The following RBBP7 variants were observed in gnomAD, a reference collection of about 807,000 sequenced individuals.
RBBP7 encodes histone-binding protein RBBP7.
Under a neutral mutation model 35.2 loss-of-function variants are expected in RBBP7, and 5 were observed. The ratio of observed to expected loss-of-function variants is 0.14; its 90% CI spans 0.07 to 0.30. RBBP7 has a LOEUF of 0.30. Among genes scored for constraint, RBBP7 ranks in the 10% least tolerant of loss-of-function variants. RBBP7 has a pLI of 1.00. For missense variants in RBBP7, 155 were observed against 327.5 expected, an observed-to-expected ratio of 0.47 and a Z score of 4.07; for synonymous variants, 140 against 118.7, an observed-to-expected ratio of 1.18 and a Z score of -1.17.
At chrX:16,869,659 C>A in intron 1 of RBBP7, 1 of 1,103,597 alleles carries the variant, frequency 9.1e-7, no homozygotes, top group Middle Eastern at 2.8e-4. Flanking sequence ...AGGACCCCAG[C>A]AACCCCCGGA....
At chrX:16,855,995 CA>C (rs754398259) in intron 5 of RBBP7, among the ~76,000 whole-genome samples, 335 of 15,936 alleles carry the variant, frequency 0.021, no homozygotes, top group Non-Finnish European at 0.025. Flanking sequence ...GACCTTGTCT[CA>C]AAAAAAAAAA....
At chrX:16,863,155 A>T in intron 2 of RBBP7, 55 bp from the exon 3 acceptor site, 1 of 1,110,208 alleles carries the variant, frequency 9.0e-7, no homozygotes, top group South Asian at 2.0e-5. Flanking sequence ...TCCAATTGCT[A>T]ACAAATTCAG....
intron 2 of RBBP7, among the ~76,000 whole-genome samples, chrX:16,864,420 G>A (rs763794699): frequency 1.9e-5 from 2 of 107,552 alleles, no homozygotes; most frequent in African/African-American, 3.4e-5. Context: ...TCAGGAGGCG[G>A]AGGCAGGAGA....
intron 3 of RBBP7, among the ~76,000 whole-genome samples, chrX:16,859,339 C>T (rs949940103): frequency 4.5e-5 from 5 of 112,114 alleles, no homozygotes; most frequent in Non-Finnish European, 9.4e-5. Context: ...CAGAAACCCA[C>T]GCTAACCCCT....
intron 5 of RBBP7, among the ~76,000 whole-genome samples, chrX:16,854,230 T>G (rs778696154): frequency 2.7e-5 from 3 of 111,603 alleles, no homozygotes; most frequent in Admixed American, 9.5e-5. Context: ...ATAATTTCAT[T>G]ACAAACAAAA....
intron 6 of RBBP7, 78 bp downstream of exon 6, chrX:16,853,604 A>G (rs941174757): frequency 1.0e-6 from 1 of 952,923 alleles, no homozygotes; most frequent in African/African-American, 2.1e-5. Flanking sequence ...AAAAAAAATC[A>G]AACTACAGCC....
At chrX:16,868,985 ATACT>A (rs1443791987) in intron 2 of RBBP7, 87 bp downstream of exon 2, 3 of 986,539 alleles carry the variant, frequency 3.0e-6, no homozygotes, top group South Asian at 2.4e-5. Flanking sequence ...GGCTGATTAC[ATACT>A]TATGTTCTAT....
At chrX:16,861,523 T>A (rs139299569) in intron 3 of RBBP7, among the ~76,000 whole-genome samples, 1 of 111,202 alleles carries the variant, frequency 9.0e-6, no homozygotes, top group Non-Finnish European at 1.9e-5. Context: ...TTTAATTTTA[T>A]TTTTTGATAG....
intron 10 of RBBP7, 57 bp downstream of exon 10, chrX:16,849,187 G>A (rs1206282054): frequency 1.8e-6 from 2 of 1,100,151 alleles, no homozygotes. Flanking sequence ...GAAATAAAGA[G>A]ATCAATGACA....
Position 16,869,519 on chromosome X carries a change from T to C in RBBP7, c.17-299A>G, listed in dbSNP as rs1482779913. The C allele has an allele frequency of 6.0e-6, 7 of 1,165,307 alleles. No homozygotes were observed. In the East Asian group the frequency reaches 2.0e-4, roughly 33 times the overall value. ...CTGTTCTAAGATGACGACCTGTACG[T>C]ACAGGGGCTGCGCGACCCAGTCGGG... On this transcript the variant is annotated intron_variant, in intron 1 of 11. Coordinates refer to ENST00000380087, the MANE Select transcript of RBBP7 (RefSeq NM_002893.4).
chrX:16,849,519 C>T (rs1395424181), intron 9 of RBBP7, among the ~76,000 whole-genome samples: 1 of 111,211 alleles, frequency 9.0e-6, no homozygotes, highest in Non-Finnish European at 1.9e-5. Context: ...TTCACAGGCA[C>T]GATCACTGTG....
chrX:16,869,388 A>T, intron 1 of RBBP7, 168 bp from the exon 2 acceptor site: 1 of 1,061,410 alleles, frequency 9.4e-7, no homozygotes, highest in Non-Finnish European at 1.3e-6. Context: ...ACTAACAATC[A>T]GGAAGCCTAT....
At chrX:16,865,983 A>G (rs1930605393) in intron 2 of RBBP7, among the ~76,000 whole-genome samples, 1 of 111,925 alleles carries the variant, frequency 8.9e-6, no homozygotes, top group Non-Finnish European at 1.9e-5. Context: ...AAATGAAGAT[A>G]CAGGTATGCA....
chrX:16,849,924 T>C (rs1214451555), intron 9 of RBBP7, among the ~76,000 whole-genome samples: 1 of 111,891 alleles, frequency 8.9e-6, no homozygotes, highest in Non-Finnish European at 1.9e-5. Flanking sequence ...GTTTTTATGG[T>C]TTTTCTCTTA....
Position 16,849,262 on chromosome X carries a change from ATCT to A in RBBP7, c.1077_1079del (p.Glu359del). 8.3e-7 allele frequency: 1 copy of A among 1,210,237 alleles called. No individual in the cohort carries two copies. The highest frequency in any genetic ancestry group is 1.1e-6 in the Non-Finnish European group (1 of 894,569). On this transcript the variant is annotated inframe_deletion, in exon 10 of 12. Coordinates refer to ENST00000380087, the MANE Select transcript of RBBP7 (RefSeq NM_002893.4). Reference sequence around the variant, plus strand: ...TGCGTACCAGGAGTTCTGGAGGCCCATCTTCTGCATCTTCTGCTGATTGTTCTT... The same window carrying A: ...TGCGTACCAGGAGTTCTGGAGGCCCATCTGCATCTTCTGCTGATTGTTCTT...
At chrX:16,852,999 C>T (rs1429258402) in intron 6 of RBBP7, 124 bp from the exon 7 acceptor site, 1 of 1,077,666 alleles carries the variant, frequency 9.3e-7, no homozygotes, top group Non-Finnish European at 1.3e-6. Flanking sequence ...AGAAACCAAC[C>T]ACACAGCTGG....
Position 16,853,012 on chromosome X carries a change from A to AT in RBBP7, c.759-138dup. 3.0e-6 allele frequency: 3 copies of AT among 1,007,684 alleles called. No individual in the cohort carries two copies. In the Admixed American group the frequency reaches 8.2e-5, roughly 28 times the overall value. 83.0% of individuals were successfully genotyped at this position (1,007,684 alleles called of 1,213,427 possible). On this transcript the variant is annotated intron_variant, in intron 6 of 11. Transcript: ENST00000380087. The stretch of plus-strand genomic sequence containing the variant: ...GAAGAAACCAACCACACAGCTGGTG[A>AT]TTCAGACCTCGACCACTAAATGATA...
At chrX:16,868,039 G>A (rs1930670131) in intron 2 of RBBP7, among the ~76,000 whole-genome samples, 1 of 111,765 alleles carries the variant, frequency 8.9e-6, no homozygotes. Context: ...TTAGGTTAGA[G>A]TTTCATTTAA....
chrX:16,857,083 G>A (rs1222117448), intron 5 of RBBP7, among the ~76,000 whole-genome samples: 1 of 111,484 alleles, frequency 9.0e-6, no homozygotes, highest in Non-Finnish European at 1.9e-5. Context: ...ACCAAGAACA[G>A]ATAACTCTAT....
Sources: gnomAD v4.1 joint callset for allele counts (sites outside exome capture counted in the v4.1 genomes callset) on GRCh38, gnomAD v4.1.1 for gene constraint, MANE v1.5 for transcripts, NCBI Gene and HGNC (gene_info 2026-07-23, HGNC 2026-07-21) for gene names.